METTL5: variants seen among roughly 807,000 people sequenced by gnomAD.
METTL5 encodes the protein methyltransferase 5, N6-adenosine.
In METTL5, 28 loss-of-function variants were observed where a neutral mutation model predicts 26.5. The ratio of observed to expected loss-of-function variants is 1.06; its 90% CI spans 0.78 to 1.45. METTL5 has a LOEUF of 1.45. METTL5 is among the 40% of genes most tolerant of loss of function. The probability of loss-of-function intolerance (pLI) is 0.00; values close to 1 mark genes in which losing one functional copy is unlikely to be tolerated. For synonymous variants in METTL5, 86 were observed against 82.6 expected (o/e 1.04, Z -0.22); for missense variants, 231 against 249.9 (o/e 0.92, Z 0.51).
Position 169,812,463 on chromosome 2 carries a change from CT to C in METTL5, c.584del (p.Lys195ArgfsTer10). The C allele has an allele frequency of 6.2e-7, 1 of 1,613,978 alleles. No individual in the cohort carries two copies. Among genetic ancestry groups the C allele is most frequent in the Non-Finnish European group, 8.5e-7 (1 of 1,179,952 alleles). ...CCAAAATCAAGAGACTTACTGATTT[CT>C]TTTTGTGAAACTTGTATGATGCTGG... ...DLPASYKFHK[K>X]KSVDIEVDLI... On this transcript the variant is annotated frameshift_variant, in exon 6 of 7. Transcript: ENST00000260953. LOFTEE classifies it high-confidence loss of function.
At chr2:169,819,780 C>A in intron 3 of METTL5, 137 bp from the exon 4 acceptor site, 2 of 564,194 alleles carry the variant, frequency 3.5e-6, no homozygotes, top group South Asian at 2.5e-5. Flanking sequence ...TACAAATAAA[C>A]TATCAAAATA....
intron 5 of METTL5, among the ~76,000 whole-genome samples, chr2:169,814,947 A>C (rs1690096328): frequency 6.6e-6 from 1 of 151,662 alleles, no homozygotes; most frequent in Non-Finnish European, 1.5e-5. Flanking sequence ...GCTGAAGAAC[A>C]GTGGTGCGAT....
rs749953911 is a variant in METTL5 at position 169,822,062 on chromosome 2, A to T, written c.110-5T>A. On this transcript the variant is annotated splice_polypyrimidine_tract_variant and splice_region_variant and intron_variant, in intron 1 of 6. Coordinates refer to ENST00000260953, the MANE Select transcript of METTL5 (RefSeq NM_014168.4). ...GGATTGTATAGAGCATACATGCTAA[A>T]AAATAAAAAAAAAAAGAATAAGTAA... is the stretch of plus-strand genomic sequence containing the variant. 1 of 1,587,180 alleles carries T rather than the reference A, an allele frequency of 6.3e-7. No homozygotes were observed. Among genetic ancestry groups the T allele is most frequent in the South Asian group, 1.2e-5 (1 of 85,710 alleles).
intron 4 of METTL5, among the ~76,000 whole-genome samples, 156 bp downstream of exon 4, chr2:169,819,405 C>A (rs2081553372): frequency 6.6e-6 from 1 of 152,022 alleles, no homozygotes; most frequent in Non-Finnish European, 1.5e-5. Flanking sequence ...AAAGGCCAAT[C>A]AGATGCTAGC....
intron 6 of METTL5, 100 bp downstream of exon 6, chr2:169,812,357 C>T (rs750128033): frequency 5.6e-6 from 9 of 1,605,076 alleles, no homozygotes; most frequent in Non-Finnish European, 6.0e-6. Flanking sequence ...TCTCTTGCCT[C>T]AGCCTCCCGA....
At chr2:169,812,267 TCTCA>T (rs763593087) in intron 6 of METTL5, 186 bp downstream of exon 6, 18 of 852,788 alleles carry the variant, frequency 2.1e-5, no homozygotes, top group Middle Eastern at 2.4e-4. Context: ...CGAGACTGAG[TCTCA>T]CTCTTATCGC....
chr2:169,824,574 T>G lies in METTL5; in HGVS notation c.24A>C (p.Glu8Asp), dbSNP rs1414230078. 6.2e-7 allele frequency: 1 copy of G among 1,613,960 alleles called. No homozygotes were observed. Among genetic ancestry groups the G allele is most frequent in the Non-Finnish European group, 8.5e-7 (1 of 1,179,918 alleles). The change falls in exon 1 of 7, where the codon GAA (glutamate) becomes GAC (aspartate). Residue 8 changes from glutamate (E) to aspartate (D), a missense_variant. Transcript: ENST00000260953. ...CCACTTGTTGCAGGCGACTCTCTAG[T>G]TCCTTAAGCCTTACTTTCTTCATTT... MKKVRLK[E>D]LESRLQQVDG...
intron 5 of METTL5, 34 bp downstream of exon 5, chr2:169,815,443 C>A (rs1206115158): frequency 1.3e-5 from 19 of 1,509,174 alleles, no homozygotes; most frequent in Non-Finnish European, 1.7e-5. Flanking sequence ...TACATGTTGG[C>A]CCTTTTGGAT....
At chr2:169,821,317 C>T (rs1488111132) in intron 2 of METTL5, 44 bp from the exon 3 acceptor site, 1 of 1,418,684 alleles carries the variant, frequency 7.0e-7, no homozygotes, top group South Asian at 1.5e-5. Context: ...CTTATAGCTC[C>T]CAAGTAAAAA....
chr2:169,821,964 C>T lies in METTL5; in HGVS notation c.203G>A (p.Gly68Glu). ...GTACCCTGCTCCTAACATTGCAGTT[C>T]CGATGCTAAGTACTCCACAACCACA... is the stretch of plus-strand genomic sequence containing the variant. Reference protein sequence around the residue: ...LGCGCGVLSIGTAMLGAGLCV... With the variant: ...LGCGCGVLSIETAMLGAGLCV... The change falls in exon 2 of 7, where the codon GGA (glycine) becomes GAA (glutamate). Residue 68 changes from glycine to glutamate, a missense_variant. By Grantham distance (98) the Gly-to-Glu change is moderately conservative. Coordinates refer to ENST00000260953, the MANE Select transcript of METTL5 (RefSeq NM_014168.4). 1.2e-6 allele frequency: 2 copies of T among 1,613,518 alleles called. No homozygotes were observed. The highest frequency in any genetic ancestry group is 1.7e-6 in the Non-Finnish European group (2 of 1,179,952).
At chr2:169,817,279 A>C (rs2081521806) in intron 4 of METTL5, among the ~76,000 whole-genome samples, 1 of 152,220 alleles carries the variant, frequency 6.6e-6, no homozygotes. Flanking sequence ...AAAAGTCAGG[A>C]AACAACAGAT....
intron 1 of METTL5, 44 bp downstream of exon 1, chr2:169,824,445 G>C (rs1309407180): frequency 7.3e-7 from 1 of 1,368,752 alleles, no homozygotes; most frequent in African/African-American, 1.4e-5. Context: ...AGAGTAGACT[G>C]GACTAACGCC....
Position 169,822,066 on chromosome 2 carries a change from TA to T in METTL5, c.110-10del, listed in dbSNP as rs373745484. On this transcript the variant is annotated splice_polypyrimidine_tract_variant and intron_variant, in intron 1 of 6. Coordinates refer to ENST00000260953, the MANE Select transcript of METTL5 (RefSeq NM_014168.4). ...TGTATAGAGCATACATGCTAAAAAA[TA>T]AAAAAAAAAAGAATAAGTAAGCAAG... 0.033 allele frequency: 33,058 copies of T among 1,005,258 alleles called. 218 individuals carry two copies. Among genetic ancestry groups the T allele is most frequent in the African/African-American group, 0.11 (6,381 of 59,348 alleles). 62.3% of individuals were successfully genotyped at this position (1,005,258 alleles called of 1,614,324 possible).
rs766329392 is a variant in METTL5, at chr2:169,811,815, G to C, written c.*5C>G. The C allele has an allele frequency of 1.2e-6, 2 of 1,613,512 alleles. No homozygotes were observed. The highest frequency in any genetic ancestry group is 3.3e-5 in the Admixed American group (2 of 59,962). On this transcript the variant is annotated 3_prime_UTR_variant, in exon 7 of 7. Coordinates refer to ENST00000260953, the MANE Select transcript of METTL5 (RefSeq NM_014168.4). ...GGTTTTAAACGACTTTTGTTTGCGG[G>C]GCTTTTAAAAGGAAAACCGAATTAG...
intron 4 of METTL5, 44 bp from the exon 5 acceptor site, chr2:169,815,572 T>C: frequency 6.9e-7 from 1 of 1,459,064 alleles, no homozygotes; most frequent in Non-Finnish European, 9.4e-7. Context: ...TTTTAAATAA[T>C]GATTTTTTAA....
Position 169,814,468 on chromosome 2 carries a change from C to CAAAAAA in METTL5, c.541+1003_541+1008dup, listed in dbSNP as rs572823948. ...TGGGTAACAGAGCAAGGCTTTGTCT[C>CAAAAAA]AAAAAAAAAAAAAGAAAAAAGAAAA... is the stretch of plus-strand genomic sequence containing the variant. On this transcript the variant is annotated intron_variant, in intron 5 of 6. Coordinates refer to ENST00000260953, the MANE Select transcript of METTL5 (RefSeq NM_014168.4). Among the ~76,000 whole-genome samples the CAAAAAA allele has an allele frequency of 3.2e-3, 182 of 57,554 alleles. 10 individuals are homozygous for CAAAAAA. The highest frequency in any genetic ancestry group is 0.014 in the East Asian group (23 of 1,592). 37.8% of individuals were successfully genotyped at this position (57,554 alleles called of 152,430 possible). A position where few individuals can be genotyped will look rare whatever the true frequency, so the allele number is the denominator to read the frequency against.
Position 169,815,459 on chromosome 2 carries a change from G to A in METTL5, c.541+18C>T. 6.4e-7 allele frequency: 1 copy of A among 1,572,328 alleles called. No individual in the cohort carries two copies. Among genetic ancestry groups the A allele is most frequent in the Non-Finnish European group, 8.7e-7 (1 of 1,149,850 alleles). On this transcript the variant is annotated intron_variant, in intron 5 of 6. Coordinates refer to ENST00000260953, the MANE Select transcript of METTL5 (RefSeq NM_014168.4). ...ACATGTTGGCCCTTTTGGATATTAG[G>A]ATTGAGATTTGTCTTACCTGCTATA...
chr2:169,823,434 T>C (rs1175096969), intron 1 of METTL5, among the ~76,000 whole-genome samples: 1 of 152,226 alleles, frequency 6.6e-6, no homozygotes, highest in African/African-American at 2.4e-5. Flanking sequence ...TAAGTGTAAA[T>C]ACACATGTAT....
intron 5 of METTL5, among the ~76,000 whole-genome samples, chr2:169,813,331 A>G (rs1013675921): frequency 3.3e-5 from 5 of 151,442 alleles, no homozygotes; most frequent in East Asian, 3.9e-4. Flanking sequence ...GGGTTTCACT[A>G]TGTTAGCCAG....
Sources: allele counts gnomAD v4.1 joint callset (sites outside exome capture counted in the v4.1 genomes callset), GRCh38; gene constraint gnomAD v4.1.1; transcripts MANE v1.5; gene names NCBI Gene and HGNC (gene_info 2026-07-23, HGNC 2026-07-21).